CFAP53: variants seen among roughly 807,000 people sequenced by gnomAD.
CFAP53 encodes cilia- and flagella-associated protein 53.
Under a neutral mutation model 59.7 loss-of-function variants are expected in CFAP53, and 62 were observed. That is an observed-to-expected ratio of 1.04 (90% confidence interval 0.85 to 1.28). CFAP53 has a LOEUF of 1.28. Among genes scored for constraint, CFAP53 ranks in the 50% most tolerant of loss-of-function variants. The pLI is 0.00. For missense variants in CFAP53, 629 were observed against 615.6 expected (o/e 1.02, Z -0.23); for synonymous variants, 218 against 205.7 (o/e 1.06, Z -0.51).
chr18:50,231,509 C>T (rs934047215), intron 7 of CFAP53, among the ~76,000 whole-genome samples: 10 of 152,248 alleles, frequency 6.6e-5, no homozygotes, highest in Non-Finnish European at 1.0e-4. Context: ...GAGCTACCTA[C>T]ACTCCTGTGG....
intron 7 of CFAP53, among the ~76,000 whole-genome samples, chr18:50,234,898 T>C (rs934383477): frequency 1.3e-5 from 2 of 152,242 alleles, no homozygotes; most frequent in Admixed American, 6.5e-5. Context: ...TTTGCAGGTA[T>C]ACCCATGCTT....
chr18:50,244,491 C>A (rs1020535373), intron 5 of CFAP53, among the ~76,000 whole-genome samples: 1 of 152,184 alleles, frequency 6.6e-6, no homozygotes, highest in Non-Finnish European at 1.5e-5. Context: ...TACCCAATAT[C>A]AGGTAGTTCT....
chr18:50,249,159 C>T (rs528490988), intron 5 of CFAP53, among the ~76,000 whole-genome samples: 16 of 147,196 alleles, frequency 1.1e-4, no homozygotes, highest in African/African-American at 3.8e-4. Flanking sequence ...GCCGAGATCA[C>T]GCCACTGCAC....
At chr18:50,234,226 C>A (rs34708215) in intron 7 of CFAP53, among the ~76,000 whole-genome samples, 8,186 of 152,236 alleles carry the variant, frequency 0.054, 303 homozygotes, top group Non-Finnish European at 0.079. Flanking sequence ...TTAATGCCAG[C>A]AAAATTTATA....
chr18:50,230,033 C>T (rs555590461), intron 7 of CFAP53, among the ~76,000 whole-genome samples: 1 of 152,268 alleles, frequency 6.6e-6, no homozygotes, highest in South Asian at 2.1e-4. Context: ...GGTGGGATTA[C>T]AGGCATGACC....
intron 7 of CFAP53, among the ~76,000 whole-genome samples, chr18:50,234,208 C>A (rs2033609177): frequency 6.6e-6 from 1 of 152,138 alleles, no homozygotes; most frequent in African/African-American, 2.4e-5. Flanking sequence ...GGTGGGGAAA[C>A]AACAAAGTTA....
At chr18:50,246,880 T>C (rs1168133253) in intron 5 of CFAP53, among the ~76,000 whole-genome samples, 2 of 151,898 alleles carry the variant, frequency 1.3e-5, no homozygotes, top group Non-Finnish European at 2.9e-5. Context: ...ACCCCGTCTC[T>C]ACTAAAAATA....
intron 1 of CFAP53, among the ~76,000 whole-genome samples, chr18:50,262,990 A>G (rs2033909677): frequency 6.6e-6 from 1 of 152,214 alleles, no homozygotes. Context: ...GTCCACTAAA[A>G]AAGTTAGAAA....
intron 3 of CFAP53, among the ~76,000 whole-genome samples, chr18:50,259,699 C>G (rs1193863598): frequency 6.6e-6 from 1 of 152,038 alleles, no homozygotes; most frequent in Non-Finnish European, 1.5e-5. Context: ...TCCCAAAGTG[C>G]TGGAATTACA....
intron 3 of CFAP53, among the ~76,000 whole-genome samples, chr18:50,259,249 A>C (rs1396420532): frequency 6.6e-6 from 1 of 152,240 alleles, no homozygotes; most frequent in Non-Finnish European, 1.5e-5. Context: ...GTACACATGC[A>C]CAATGGAGTA....
chr18:50,250,461 G>C (rs1156467883), intron 5 of CFAP53, among the ~76,000 whole-genome samples: 1 of 152,160 alleles, frequency 6.6e-6, no homozygotes, highest in African/African-American at 2.4e-5. Context: ...GTCACTTTCT[G>C]AGTAATGTCT....
At chr18:50,235,161 A>G (rs148525442) in intron 7 of CFAP53, among the ~76,000 whole-genome samples, 249 of 152,350 alleles carry the variant, frequency 1.6e-3, no homozygotes, top group African/African-American at 5.7e-3. Flanking sequence ...ACATCAAAGT[A>G]TTAGAGGGCC....
At chr18:50,237,351 T>TATATATATATAC (rs67836600) in intron 7 of CFAP53, among the ~76,000 whole-genome samples, 842 of 16,244 alleles carry the variant, frequency 0.052, 229 homozygotes, top group Non-Finnish European at 0.077. Flanking sequence ...TATATATATA[T>TATATATATATAC]ACGCACACAT....
intron 7 of CFAP53, among the ~76,000 whole-genome samples, chr18:50,234,992 C>G (rs975290686): frequency 1.3e-5 from 2 of 152,204 alleles, no homozygotes; most frequent in African/African-American, 4.8e-5. Context: ...AATAACAGGT[C>G]CTAAATTCAT....
chr18:50,256,940 C>G (rs1201518806), intron 3 of CFAP53, among the ~76,000 whole-genome samples: 1 of 148,254 alleles, frequency 6.7e-6, no homozygotes, highest in African/African-American at 2.5e-5. Flanking sequence ...CACCTTGCCC[C>G]ACTCATACTA....
At chr18:50,246,870 AC>A (rs1415785237) in intron 5 of CFAP53, among the ~76,000 whole-genome samples, 2 of 151,036 alleles carry the variant, frequency 1.3e-5, no homozygotes, top group African/African-American at 2.4e-5. Flanking sequence ...ACATGGTGAA[AC>A]CCCGTCTCTA....
Position 50,238,641 on chromosome 18 carries a change from A to G in CFAP53, c.1278T>C (p.Leu426=), listed in dbSNP as rs751323164. ...AMEQKHINES[L]KELNCEEKEN... ...CCTTCTCTTCACAGTTAAGTTCTTT[A>G]AGACTTTCATTTATGTGTTTCTGTT... The change falls in exon 7 of 8, where the codon CTT becomes CTC. Residue 426 remains leucine, a synonymous_variant. Coordinates refer to ENST00000398545, the MANE Select transcript of CFAP53 (RefSeq NM_145020.5). The G allele has an allele frequency of 6.2e-7, 1 of 1,612,042 alleles. No homozygotes were observed. The highest frequency in any genetic ancestry group is 2.2e-5 in the East Asian group (1 of 44,738).
Position 50,266,482 on chromosome 18 carries a change from C to G in CFAP53, c.-78G>C, listed in dbSNP as rs1280826442. 9.1e-6 allele frequency: 13 copies of G among 1,435,864 alleles called. No individual in the cohort carries two copies. The highest frequency in any genetic ancestry group is 1.8e-4 in the Middle Eastern group (1 of 5,590). 88.9% of individuals were successfully genotyped at this position (1,435,864 alleles called of 1,614,324 possible). On this transcript the variant is annotated 5_prime_UTR_variant, in exon 1 of 8. Coordinates refer to ENST00000398545, the MANE Select transcript of CFAP53 (RefSeq NM_145020.5). The stretch of plus-strand genomic sequence containing the variant: ...TGGCGACCTGCGGGACCCGCTTCCG[C>G]GACGCAGAAGTCTGGTTGCCATGGT...
chr18:50,252,754 A>AC (rs1380281928), intron 3 of CFAP53, among the ~76,000 whole-genome samples: 1 of 152,030 alleles, frequency 6.6e-6, no homozygotes, highest in African/African-American at 2.4e-5. Context: ...AGGCATGGTG[A>AC]CTCATATCTG....
Sources: allele counts gnomAD v4.1 joint callset (sites outside exome capture counted in the v4.1 genomes callset), GRCh38; gene constraint gnomAD v4.1.1; transcripts MANE v1.5; gene names NCBI Gene and HGNC (gene_info 2026-07-23, HGNC 2026-07-21).